The following SORCS3 variants were observed in gnomAD, a reference collection of about 807,000 sequenced individuals.
SORCS3 encodes the protein VPS10 domain-containing receptor SorCS3.
SORCS3 carries 57 observed loss-of-function variants against 146.3 expected under a neutral mutation model. That is an observed-to-expected ratio of 0.39 (90% CI 0.31 to 0.49). SORCS3 has a LOEUF of 0.49. SORCS3 is among the 20% of genes least tolerant of loss of function. The pLI is 0.92. For missense variants in SORCS3, 1,341 were observed against 1,575.5 expected (o/e 0.85, Z 2.52); for synonymous variants, 653 against 618.5 (o/e 1.06, Z -0.83).
intron 1 of SORCS3, among the ~76,000 whole-genome samples, chr10:104,832,768 T>G (rs2018015917): frequency 6.6e-6 from 1 of 151,336 alleles, no homozygotes; most frequent in Non-Finnish European, 1.5e-5. Flanking sequence ...CGAACAGGTG[T>G]TTTGCCTCTT....
intron 13 of SORCS3, among the ~76,000 whole-genome samples, chr10:105,173,094 G>C (rs2056372892): frequency 6.6e-6 from 1 of 152,022 alleles, no homozygotes; most frequent in Non-Finnish European, 1.5e-5. Context: ...CAATATTACA[G>C]TATGGAAGTC....
At chr10:104,836,638 T>G (rs1454922997) in intron 1 of SORCS3, among the ~76,000 whole-genome samples, 3 of 152,172 alleles carry the variant, frequency 2.0e-5, no homozygotes, top group Admixed American at 2.0e-4. Flanking sequence ...TCTTCACTCT[T>G]GTAGAGCTTT....
chr10:104,796,797 T>G (rs992979433), intron 1 of SORCS3, among the ~76,000 whole-genome samples: 1 of 152,238 alleles, frequency 6.6e-6, no homozygotes, highest in Admixed American at 6.5e-5. Context: ...AAACAAGTTC[T>G]GGGGCAGAGG....
chr10:105,019,708 C>T (rs1333924347), intron 4 of SORCS3, among the ~76,000 whole-genome samples: 1 of 152,142 alleles, frequency 6.6e-6, no homozygotes, highest in Admixed American at 6.5e-5. Context: ...TACCCTGTTC[C>T]ATGATGCACA....
intron 2 of SORCS3, among the ~76,000 whole-genome samples, chr10:104,883,878 A>G (rs892173676): frequency 5.3e-5 from 8 of 150,894 alleles, no homozygotes; most frequent in African/African-American, 1.7e-4. Context: ...AAATCTGCTC[A>G]CTCCAATGTG....
chr10:104,670,884 T>C (rs2015842892), intron 1 of SORCS3, among the ~76,000 whole-genome samples: 4 of 152,078 alleles, frequency 2.6e-5, no homozygotes, highest in Admixed American at 2.6e-4. Flanking sequence ...AACTCTTTTC[T>C]GTCCTTTGAT....
chr10:104,760,958 A>C (rs2808437), intron 1 of SORCS3, among the ~76,000 whole-genome samples: 1 of 151,834 alleles, frequency 6.6e-6, no homozygotes, highest in Non-Finnish European at 1.5e-5. Flanking sequence ...GGAAGTAGAG[A>C]CCATTCTAGA....
intron 1 of SORCS3, among the ~76,000 whole-genome samples, chr10:104,689,292 CT>C (rs1326585586): frequency 1.3e-5 from 2 of 152,232 alleles, no homozygotes. Flanking sequence ...ATACCTCTTC[CT>C]CCAGGAAGCC....
At chr10:105,047,000 G>A (rs2055376775) in intron 5 of SORCS3, among the ~76,000 whole-genome samples, 1 of 152,028 alleles carries the variant, frequency 6.6e-6, no homozygotes, top group Non-Finnish European at 1.5e-5. Context: ...TGCTATGGCA[G>A]AGTTGTTGTC....
intron 14 of SORCS3, among the ~76,000 whole-genome samples, chr10:105,197,733 A>G (rs1402155819): frequency 6.6e-6 from 1 of 152,160 alleles, no homozygotes; most frequent in Non-Finnish European, 1.5e-5. Context: ...TACCATGGAG[A>G]GGATCTAGCT....
intron 1 of SORCS3, among the ~76,000 whole-genome samples, chr10:104,750,704 G>T (rs887614754): frequency 6.6e-6 from 1 of 152,250 alleles, no homozygotes; most frequent in South Asian, 2.1e-4. Context: ...ATGTAGCAGG[G>T]ATAAATGTAA....
intron 5 of SORCS3, among the ~76,000 whole-genome samples, chr10:105,051,498 T>C (rs1421331659): frequency 1.3e-5 from 2 of 152,164 alleles, no homozygotes; most frequent in Non-Finnish European, 2.9e-5. Context: ...CTTTTGACCC[T>C]GGACCATGGT....
intron 5 of SORCS3, among the ~76,000 whole-genome samples, chr10:105,075,120 C>T (rs908863880): frequency 2.6e-5 from 4 of 152,148 alleles, no homozygotes; most frequent in African/African-American, 7.2e-5. Context: ...CGAATTCCTC[C>T]AGCACTTCCA....
chr10:105,102,780 C>CTTTT (rs1183026265), intron 6 of SORCS3, among the ~76,000 whole-genome samples: 20 of 92,522 alleles, frequency 2.2e-4, no homozygotes, highest in Non-Finnish European at 3.1e-4. Context: ...ACCTCTCAAC[C>CTTTT]TTTTTTTTTT....
intron 20 of SORCS3, among the ~76,000 whole-genome samples, chr10:105,228,426 C>A (rs1248769590): frequency 4.0e-5 from 6 of 150,386 alleles, no homozygotes; most frequent in Non-Finnish European, 7.4e-5. Context: ...CTGTTTCTTG[C>A]TTTCTTTCTT....
intron 13 of SORCS3, among the ~76,000 whole-genome samples, chr10:105,176,497 G>T (rs904042007): frequency 2.6e-5 from 4 of 152,052 alleles, no homozygotes; most frequent in Admixed American, 2.6e-4. Context: ...AGGCTGCAAT[G>T]AGCTATGATC....
At chr10:105,216,088 G>GT (rs202133017) in intron 18 of SORCS3, among the ~76,000 whole-genome samples, 2,187 of 152,208 alleles carry the variant, frequency 0.014, 60 homozygotes, top group South Asian at 0.048. Context: ...TTGGCATCAT[G>GT]TTACCAGGTA....
intron 1 of SORCS3, among the ~76,000 whole-genome samples, chr10:104,819,781 A>G (rs1200607307): frequency 6.6e-6 from 1 of 152,204 alleles, no homozygotes; most frequent in African/African-American, 2.4e-5. Flanking sequence ...CTGGAGGAAG[A>G]GAAGTTGAGG....
chr10:104,836,540 A>G (rs1406475688), intron 1 of SORCS3, among the ~76,000 whole-genome samples: 1 of 152,100 alleles, frequency 6.6e-6, no homozygotes, highest in African/African-American at 2.4e-5. Flanking sequence ...GACAGCTCCA[A>G]CTGATTTTAT....
Sources: allele counts gnomAD v4.1 joint callset (sites outside exome capture counted in the v4.1 genomes callset), GRCh38; gene constraint gnomAD v4.1.1; transcripts MANE v1.5; gene names NCBI Gene and HGNC (gene_info 2026-07-23, HGNC 2026-07-21).